The following CDKN2B-AS1 variants were observed in gnomAD, a reference collection of about 807,000 sequenced individuals.
CDKN2B-AS1 encodes the protein CDKN2B antisense RNA 1 (non-protein coding).
chr9:22,090,623 C>T (rs1240029288), intron 4 of CDKN2B-AS1, among the ~76,000 whole-genome samples: 1 of 152,072 alleles, frequency 6.6e-6, no homozygotes, highest in African/African-American at 2.4e-5. Context: ...GCATAAATGT[C>T]TTCTTTTGAG....
At chr9:22,082,999 C>G (rs1017253138) in intron 4 of CDKN2B-AS1, among the ~76,000 whole-genome samples, 2 of 152,092 alleles carry the variant, frequency 1.3e-5, no homozygotes, top group East Asian at 3.9e-4. Context: ...GAAAAGAAGG[C>G]TGGTAGCAGG....
chr9:22,089,744 C>T (rs1316903527), intron 4 of CDKN2B-AS1, among the ~76,000 whole-genome samples: 9 of 151,974 alleles, frequency 5.9e-5, no homozygotes, highest in Admixed American at 5.3e-4. Context: ...GCTACTTTGC[C>T]CCCTAGCAGA....
At chr9:22,030,126 G>A (rs764869475) in intron 1 of CDKN2B-AS1, 2 of 152,212 alleles carry the variant, frequency 1.3e-5, no homozygotes, top group Non-Finnish European at 2.9e-5. Context: ...AAAAACAGAA[G>A]GGAGATGTTG....
intron 4 of CDKN2B-AS1, among the ~76,000 whole-genome samples, chr9:22,090,397 C>T (rs528002182): frequency 7.2e-5 from 11 of 152,270 alleles, no homozygotes; most frequent in African/African-American, 2.2e-4. Flanking sequence ...CCTGAGGAAT[C>T]GACACACTGA....
chr9:22,028,459 A>C (rs1318159187), intron 1 of CDKN2B-AS1, among the ~76,000 whole-genome samples: 1 of 152,158 alleles, frequency 6.6e-6, no homozygotes, highest in Non-Finnish European at 1.5e-5. Flanking sequence ...AGGGTTTTAA[A>C]CAAGACATAG....
At chr9:22,073,997 T>G (rs1855185) in intron 4 of CDKN2B-AS1, among the ~76,000 whole-genome samples, 143,657 of 151,926 alleles carry the variant, frequency 0.95, 67,989 homozygotes, top group East Asian at 1. Flanking sequence ...CCTAGTAGTT[T>G]GGACTACAGG....
rs528704821 is a variant in CDKN2B-AS1, at chr9:22,072,926, T to C, written n.438+16539T>C. On this transcript the variant is annotated intron_variant and non_coding_transcript_variant, in intron 4 of 4. Coordinates refer to ENST00000650946, the Ensembl canonical transcript of CDKN2B-AS1. ...ATATTCCTTTCTCATTTCGTAGAAA[T>C]TGAAAGGAGATAAGTATGAAAGCGT... Among the ~76,000 whole-genome samples, 311 of 152,288 alleles carry C rather than the reference T, an allele frequency of 2.0e-3. 3 individuals carry two copies. Among genetic ancestry groups the C allele is most frequent in the African/African-American group, 7.1e-3 (294 of 41,562 alleles).
intron 4 of CDKN2B-AS1, among the ~76,000 whole-genome samples, chr9:22,085,973 CGA>C (rs1347056302): frequency 6.6e-6 from 1 of 151,882 alleles, no homozygotes; most frequent in Admixed American, 6.6e-5. Context: ...CACAAACCCT[CGA>C]GAGGCAGGAT....
chr9:22,035,313 G>A (rs1343750823), intron 1 of CDKN2B-AS1, among the ~76,000 whole-genome samples: 1 of 146,226 alleles, frequency 6.8e-6, no homozygotes, highest in African/African-American at 2.5e-5. Flanking sequence ...TTGAAGTAGA[G>A]CAACAAGAAC....
intron 1 of CDKN2B-AS1, among the ~76,000 whole-genome samples, chr9:22,031,898 G>A (rs1040128177): frequency 1.3e-5 from 2 of 152,202 alleles, no homozygotes; most frequent in African/African-American, 4.8e-5. Context: ...CAGAAGAGAG[G>A]CTCACATGGC....
intron 1 of CDKN2B-AS1, among the ~76,000 whole-genome samples, chr9:22,007,404 GCAGT>G (rs1339777812): frequency 2.6e-5 from 4 of 152,102 alleles, no homozygotes; most frequent in Non-Finnish European, 5.9e-5. Context: ...TTGGATGTTA[GCAGT>G]CAATCAGGAT....
intron 4 of CDKN2B-AS1, among the ~76,000 whole-genome samples, chr9:22,057,720 T>C (rs900210196): frequency 2.0e-5 from 3 of 150,886 alleles, no homozygotes; most frequent in Admixed American, 6.6e-5. Flanking sequence ...AGGTGGAGGA[T>C]TGCTTGAGCC....
chr9:22,003,855 A>T (rs564289170), intron 1 of CDKN2B-AS1: 1 of 232,382 alleles, frequency 4.3e-6, no homozygotes, highest in South Asian at 1.8e-4. Context: ...AGGAGCTTAC[A>T]AGGGAGATCA....
intron 4 of CDKN2B-AS1, among the ~76,000 whole-genome samples, chr9:22,060,704 G>T (rs1035488669): frequency 1.3e-5 from 2 of 152,106 alleles, no homozygotes; most frequent in African/African-American, 2.4e-5. Flanking sequence ...CTGAAACTAG[G>T]AACAAAAAGA....
rs183610933 is a variant in CDKN2B-AS1 at position 22,005,211 on chromosome 9, T to A, written n.29+10050T>A. ...CTCCACCACCTCATCCTGTGTAGTC[T>A]GCCTGCGGAACCCGCGGGAATCTCT... On this transcript the variant is annotated intron_variant and non_coding_transcript_variant, in intron 1 of 4. Coordinates refer to ENST00000650946, the Ensembl canonical transcript of CDKN2B-AS1. This position sits in a 1 kb window ranked among gnomAD's most constrained non-coding sequence, Gnocchi z 4.9. The A allele has an allele frequency of 4.3e-6, 1 of 233,586 alleles. No individual in the cohort carries two copies. Among genetic ancestry groups the A allele is most frequent in the Non-Finnish European group, 8.4e-6 (1 of 118,484 alleles). 14.5% of individuals were successfully genotyped at this position (233,586 alleles called of 1,614,324 possible). A position where few individuals can be genotyped will look rare whatever the true frequency, so the allele number is the denominator to read the frequency against.
intron 4 of CDKN2B-AS1, among the ~76,000 whole-genome samples, chr9:22,063,283 A>G (rs1332597614): frequency 1.3e-5 from 2 of 152,106 alleles, no homozygotes; most frequent in South Asian, 2.1e-4. Context: ...ATTCTTCACA[A>G]AAAGTTCAGT....
rs1231393964 is a variant in CDKN2B-AS1 at position 22,008,825 on chromosome 9, G to A, written n.29+13664G>A. Reference sequence around the variant, plus strand: ...GGATCGCGCGCCTCCCGAAACGGTTGACTCCGTTGGGATCCGCGCCGGCTT... The same window carrying A: ...GGATCGCGCGCCTCCCGAAACGGTTAACTCCGTTGGGATCCGCGCCGGCTT... On this transcript the variant is annotated intron_variant and non_coding_transcript_variant, in intron 1 of 4. Coordinates refer to ENST00000650946, the Ensembl canonical transcript of CDKN2B-AS1. 2.5e-6 allele frequency: 4 copies of A among 1,607,582 alleles called. No individual in the cohort carries two copies. The East Asian group carries it at 8.9e-5, about 36-fold the overall frequency.
intron 3 of CDKN2B-AS1, among the ~76,000 whole-genome samples, chr9:22,052,696 A>G (rs906782747): frequency 6.6e-6 from 1 of 152,204 alleles, no homozygotes; most frequent in Non-Finnish European, 1.5e-5. Context: ...CAAATCCCGC[A>G]TTTGTTTATT....
At chr9:22,044,065 A>G (rs536391644) in intron 1 of CDKN2B-AS1, among the ~76,000 whole-genome samples, 4 of 152,170 alleles carry the variant, frequency 2.6e-5, no homozygotes, top group African/African-American at 9.6e-5. Context: ...CATGAGTATC[A>G]GATAAATATG....
Sources: gnomAD v4.1 joint callset for allele counts (sites outside exome capture counted in the v4.1 genomes callset) on GRCh38, gnomAD v4.1.1 for gene constraint, Gnocchi (gnomAD v3.1) non-coding constraint, MANE v1.5 for transcripts, NCBI Gene and HGNC (gene_info 2026-07-23, HGNC 2026-07-21) for gene names.